The following MTSS1 variants were observed in gnomAD, a reference collection of about 807,000 sequenced individuals.
MTSS1 encodes the protein protein MTSS 1.
Under a neutral mutation model 79.0 loss-of-function variants are expected in MTSS1, and 18 were observed. That is an observed-to-expected ratio of 0.23 (90% CI 0.16 to 0.34). The LOEUF is 0.34. MTSS1 is among the 10% of genes least tolerant of loss of function. The pLI, the probability that MTSS1 is intolerant of heterozygous loss-of-function variation, is 1.00. For synonymous variants in MTSS1, 341 were observed against 368.6 expected (o/e 0.93, Z 0.86); for missense variants, 815 against 986.2 (o/e 0.83, Z 2.33).
intron 3 of MTSS1, among the ~76,000 whole-genome samples, chr8:124,651,438 A>T (rs1819942436): frequency 6.6e-6 from 1 of 151,682 alleles, no homozygotes; most frequent in Non-Finnish European, 1.5e-5. Context: ...TACCAAATAC[A>T]GTCCACATGG....
At chr8:124,561,069 C>G (rs1238222232) in intron 10 of MTSS1, among the ~76,000 whole-genome samples, 1 of 152,196 alleles carries the variant, frequency 6.6e-6, no homozygotes, top group East Asian at 1.9e-4. Context: ...TAATAATAAG[C>G]AGTCGTAATG....
chr8:124,668,207 T>C (rs1258412064), intron 3 of MTSS1, among the ~76,000 whole-genome samples: 1 of 152,160 alleles, frequency 6.6e-6, no homozygotes, highest in African/African-American at 2.4e-5. Flanking sequence ...GTGTGGGCTG[T>C]AGGAAGGTGG....
intron 3 of MTSS1, among the ~76,000 whole-genome samples, chr8:124,695,947 G>A (rs1029295964): frequency 6.6e-6 from 1 of 152,056 alleles, no homozygotes; most frequent in African/African-American, 2.4e-5. Context: ...TTCCCGGGAG[G>A]GGCGGGGAAG....
chr8:124,558,938 A>G (rs888460282), intron 10 of MTSS1: 16 of 1,374,522 alleles, frequency 1.2e-5, no homozygotes, highest in Non-Finnish European at 1.3e-5. Flanking sequence ...GGGGAAGGGC[A>G]CACACAGAGA....
intron 6 of MTSS1, among the ~76,000 whole-genome samples, chr8:124,569,650 C>A (rs1437024425): frequency 6.6e-6 from 1 of 152,200 alleles, no homozygotes; most frequent in Non-Finnish European, 1.5e-5. Context: ...TTCTTCAGGG[C>A]AGGATTTTGG....
At chr8:124,686,932 T>C (rs957140519) in intron 3 of MTSS1, among the ~76,000 whole-genome samples, 2 of 152,170 alleles carry the variant, frequency 1.3e-5, no homozygotes, top group Admixed American at 1.3e-4. Context: ...TGTGCCATTT[T>C]AACCAGGTGA....
intron 6 of MTSS1, among the ~76,000 whole-genome samples, chr8:124,577,219 C>T (rs1829130703): frequency 6.6e-6 from 1 of 152,228 alleles, no homozygotes; most frequent in Admixed American, 6.5e-5. Flanking sequence ...AGGCTACATA[C>T]ATTCACCTGA....
chr8:124,638,249 A>C (rs532856770), intron 3 of MTSS1, among the ~76,000 whole-genome samples: 4 of 152,356 alleles, frequency 2.6e-5, no homozygotes, highest in South Asian at 2.1e-4. Flanking sequence ...GGAAATTTCA[A>C]ATTTCACAAC....
chr8:124,708,319 T>C (rs547212359), intron 1 of MTSS1, among the ~76,000 whole-genome samples: 9 of 152,258 alleles, frequency 5.9e-5, no homozygotes, highest in African/African-American at 2.2e-4. Flanking sequence ...CAACAAACAT[T>C]TGATATGAGG....
chr8:124,566,224 A>T (rs1443606972), intron 8 of MTSS1: 1 of 154,554 alleles, frequency 6.5e-6, no homozygotes, highest in Non-Finnish European at 1.4e-5. Context: ...AGCCTGACAG[A>T]ATCAAGAACA....
At chr8:124,583,028 C>G (rs74760497) in intron 6 of MTSS1, among the ~76,000 whole-genome samples, 2 of 152,012 alleles carry the variant, frequency 1.3e-5, no homozygotes, top group African/African-American at 4.8e-5. Flanking sequence ...TTATAAAGGA[C>G]AGAAATAAAA....
chr8:124,626,764 G>T (rs987591883), intron 3 of MTSS1, among the ~76,000 whole-genome samples: 4 of 152,056 alleles, frequency 2.6e-5, no homozygotes, highest in Non-Finnish European at 4.4e-5. Flanking sequence ...TTCTGTCTGG[G>T]ACTCTGGGTT....
At chr8:124,722,317 G>C (rs1177411295) in intron 1 of MTSS1, among the ~76,000 whole-genome samples, 1 of 152,132 alleles carries the variant, frequency 6.6e-6, no homozygotes, top group Non-Finnish European at 1.5e-5. Context: ...CCTCCCATTT[G>C]CTCAGTAGGT....
chr8:124,639,100 G>A (rs528579717), intron 3 of MTSS1, among the ~76,000 whole-genome samples: 6 of 152,318 alleles, frequency 3.9e-5, no homozygotes, highest in African/African-American at 1.4e-4. Flanking sequence ...ACTTTGGGAG[G>A]CCAAGGCAGG....
Position 124,551,406 on chromosome 8 carries a change from A to G in MTSS1, c.*1586T>C, listed in dbSNP as rs1822499805. 1 of 152,694 alleles carries G rather than the reference A, an allele frequency of 6.5e-6. No homozygotes were observed. Among genetic ancestry groups the G allele is most frequent in the Non-Finnish European group, 1.5e-5 (1 of 68,048 alleles). 9.5% of individuals were successfully genotyped at this position (152,694 alleles called of 1,614,324 possible). The stretch of plus-strand genomic sequence containing the variant: ...ACATAAAATGTCCTTGAGCAATCGC[A>G]GCAGTGTTCAATGTTAATATATAGA... On this transcript the variant is annotated 3_prime_UTR_variant, in exon 14 of 14. Coordinates refer to ENST00000518547, the MANE Select transcript of MTSS1 (RefSeq NM_014751.6).
intron 3 of MTSS1, among the ~76,000 whole-genome samples, chr8:124,644,984 G>A (rs970961214): frequency 6.6e-6 from 1 of 152,152 alleles, no homozygotes; most frequent in Non-Finnish European, 1.5e-5. Flanking sequence ...CTATATATGT[G>A]GCATTGATAG....
At chr8:124,556,913 C>T (rs191687135) in intron 11 of MTSS1, among the ~76,000 whole-genome samples, 104 of 152,302 alleles carry the variant, frequency 6.8e-4, no homozygotes, top group African/African-American at 2.1e-3. Flanking sequence ...GAAAGGAAGG[C>T]GCCCAGGGGC....
chr8:124,613,380 C>G (rs115848460), intron 3 of MTSS1, among the ~76,000 whole-genome samples: 7,974 of 152,298 alleles, frequency 0.052, 342 homozygotes, highest in African/African-American at 0.12. Context: ...GTCAGATCAT[C>G]ATGCAATTAA....
intron 1 of MTSS1, among the ~76,000 whole-genome samples, chr8:124,712,522 T>C (rs570489706): frequency 4.9e-4 from 75 of 152,280 alleles, no homozygotes; most frequent in Admixed American, 1.6e-3. Flanking sequence ...TGAATGCCTG[T>C]CATAGCTTTG....
Sources: allele counts gnomAD v4.1 joint callset (sites outside exome capture counted in the v4.1 genomes callset), GRCh38; gene constraint gnomAD v4.1.1; transcripts MANE v1.5; gene names NCBI Gene and HGNC (gene_info 2026-07-23, HGNC 2026-07-21).